The following HMGA2 variants were observed in gnomAD, a reference collection of about 807,000 sequenced individuals.
The protein encoded by HMGA2 is high mobility group AT-hook 2.
HMGA2 carries 8 observed loss-of-function variants against 19.1 expected under a neutral mutation model. The ratio of observed to expected loss-of-function variants is 0.42; its 90% CI spans 0.25 to 0.76. The LOEUF is 0.76. Ranked by LOEUF, HMGA2 falls within the 30% of genes least tolerant of loss-of-function variation. The pLI is 0.28. For synonymous variants in HMGA2, 60 were observed against 48.8 expected (o/e 1.23, Z -0.96); for missense variants, 109 against 136.3 (o/e 0.80, Z 1.00).
At chr12:65,879,292 A>AAC (rs1555184079) in intron 3 of HMGA2, among the ~76,000 whole-genome samples, 1 of 103,978 alleles carries the variant, frequency 9.6e-6, no homozygotes, top group African/African-American at 6.2e-5. Context: ...CATACCAGCT[A>AAC]TTTTTTTTTT....
chr12:65,869,885 T>G (rs1328120686), intron 3 of HMGA2, among the ~76,000 whole-genome samples: 1 of 152,172 alleles, frequency 6.6e-6, no homozygotes, highest in Non-Finnish European at 1.5e-5. Flanking sequence ...GAACCCAGGT[T>G]TGTCAGACTC....
At chr12:65,865,659 G>C (rs1280272382) in intron 3 of HMGA2, among the ~76,000 whole-genome samples, 1 of 136,458 alleles carries the variant, frequency 7.3e-6, no homozygotes, top group Non-Finnish European at 1.5e-5. Flanking sequence ...TTTTGAGACA[G>C]AGTCTCGCTC....
intron 3 of HMGA2, among the ~76,000 whole-genome samples, chr12:65,922,907 C>T (rs993138787): frequency 1.3e-5 from 2 of 152,136 alleles, no homozygotes; most frequent in Non-Finnish European, 2.9e-5. Flanking sequence ...GCCTCTTCCT[C>T]ATTTTCTCTT....
At chr12:65,845,715 GA>G (rs1425682599) in intron 3 of HMGA2, among the ~76,000 whole-genome samples, 4 of 152,200 alleles carry the variant, frequency 2.6e-5, no homozygotes, top group Non-Finnish European at 4.4e-5. Flanking sequence ...TCTGCGTTTT[GA>G]TGGGCTGAAT....
At position 65,875,589 on chromosome 12, in the gene HMGA2, A is replaced by ATTTTTTTTT. The variant is rs71096056; in HGVS notation, c.249+37053_249+37061dup. ...CGGGCATATGCCACCGTGCCCGGCT[A>ATTTTTTTTT]TTTTTTTTTTTTTTTTTTTTTTTTT... On this transcript the variant is annotated intron_variant, in intron 3 of 4. Transcript: ENST00000403681. Among the ~76,000 whole-genome samples the ATTTTTTTTT allele has an allele frequency of 3.7e-3, 97 of 26,110 alleles. 42 individuals carry two copies. The highest frequency in any genetic ancestry group is 5.4e-3 in the Admixed American group (8 of 1,476). 17.1% of individuals were successfully genotyped at this position (26,110 alleles called of 152,430 possible).
At chr12:65,864,728 G>A (rs1248591676) in intron 3 of HMGA2, among the ~76,000 whole-genome samples, 1 of 152,118 alleles carries the variant, frequency 6.6e-6, no homozygotes, top group Non-Finnish European at 1.5e-5. Flanking sequence ...CTTTTCTTCT[G>A]GATTGTATGT....
intron 3 of HMGA2, among the ~76,000 whole-genome samples, chr12:65,892,808 C>G (rs977978182): frequency 6.6e-6 from 1 of 152,090 alleles, no homozygotes; most frequent in African/African-American, 2.4e-5. Context: ...GAGAAAAGTC[C>G]TCAGTTTTAT....
At chr12:65,959,803 C>T (rs1876700218) in intron 4 of HMGA2, among the ~76,000 whole-genome samples, 1 of 152,182 alleles carries the variant, frequency 6.6e-6, no homozygotes. Context: ...GTCCTTTGAC[C>T]ATTAGGTGAC....
intron 3 of HMGA2, among the ~76,000 whole-genome samples, chr12:65,854,489 G>T (rs1283375393): frequency 6.6e-6 from 1 of 152,180 alleles, no homozygotes. Context: ...AGTTTCGCAT[G>T]TACTTATTTG....
intron 3 of HMGA2, among the ~76,000 whole-genome samples, chr12:65,949,831 TA>T (rs1876394736): frequency 6.6e-6 from 1 of 152,154 alleles, no homozygotes; most frequent in South Asian, 2.1e-4. Flanking sequence ...TGCAAAACAT[TA>T]AAAGAACTCT....
intron 3 of HMGA2, among the ~76,000 whole-genome samples, chr12:65,855,672 G>A (rs1565709415): frequency 1.3e-5 from 2 of 151,626 alleles, no homozygotes; most frequent in African/African-American, 4.8e-5. Flanking sequence ...CTTAGAATCT[G>A]AGTGTTTGTT....
In HMGA2 at chr12:65,919,925, G is replaced by A. The variant is rs559669234; in HGVS notation, c.250-31458G>A. Among the ~76,000 whole-genome samples the A allele has an allele frequency of 4.6e-5, 7 of 152,286 alleles. No individual in the cohort carries two copies. The South Asian group carries it at 1.2e-3, about 27-fold the overall frequency. ...CAACCAGTTTTTAATGACGAAAGAT[G>A]GACTCTGAAGTCCATGACATTTAGT... On this transcript the variant is annotated intron_variant, in intron 3 of 4. Transcript: ENST00000403681.
In HMGA2 at chr12:65,964,300, A is replaced by AG. The variant is rs1359546388; in HGVS notation, c.*1016dup. The AG allele has an allele frequency of 3.0e-3, 448 of 148,924 alleles. No homozygotes were observed. Among genetic ancestry groups the AG allele is most frequent in the East Asian group, 7.9e-3 (94 of 11,838 alleles). The allele number at this position is 148,924 out of a possible 1,614,324, so 9.2% of individuals were successfully genotyped here. Reference sequence around the variant, plus strand: ...TCAATTTAAAAAGCAAAAAAAAAAAAGGGGGGGGCAATCTCTCTCTGTGTC... The same window carrying AG: ...TCAATTTAAAAAGCAAAAAAAAAAAAGGGGGGGGGCAATCTCTCTCTGTGTC... On this transcript the variant is annotated 3_prime_UTR_variant, in exon 5 of 5. Coordinates refer to ENST00000403681, the MANE Select transcript of HMGA2 (RefSeq NM_003483.6).
At chr12:65,875,516 C>T (rs374922917) in intron 3 of HMGA2, among the ~76,000 whole-genome samples, 15 of 150,348 alleles carry the variant, frequency 1.0e-4, no homozygotes, top group African/African-American at 3.2e-4. Flanking sequence ...CTCCACCTCA[C>T]GGGTTCAAGC....
intron 3 of HMGA2, among the ~76,000 whole-genome samples, chr12:65,845,575 A>AT (rs111472898): frequency 0.13 from 20,334 of 151,910 alleles, 2,588 homozygotes; most frequent in African/African-American, 0.32. Context: ...GGCCTTTAAG[A>AT]TTTTTTTTAA....
At chr12:65,926,307 T>C (rs1394959649) in intron 3 of HMGA2, among the ~76,000 whole-genome samples, 1 of 152,236 alleles carries the variant, frequency 6.6e-6, no homozygotes, top group Non-Finnish European at 1.5e-5. Context: ...TGGGGCTTCC[T>C]ACTCAGGGGG....
rs1386364960 is a variant in HMGA2 at position 65,824,525 on chromosome 12, C to G, written c.-746C>G. 4 of 233,578 alleles carry G rather than the reference C, an allele frequency of 1.7e-5. No homozygotes were observed. The highest frequency in any genetic ancestry group is 5.6e-5 in the Admixed American group (1 of 17,764). 14.5% of individuals were successfully genotyped at this position (233,578 alleles called of 1,614,324 possible). The stretch of plus-strand genomic sequence containing the variant: ...GGCAGCGCGCGCTTGGTGCAAGACT[C>G]AGGAGCTAGCAGCCCGTCCCCCTCC... On this transcript the variant is annotated 5_prime_UTR_variant, in exon 1 of 5. Transcript: ENST00000403681.
chr12:65,864,933 ACT>A (rs1342778454), intron 3 of HMGA2, among the ~76,000 whole-genome samples: 4 of 152,120 alleles, frequency 2.6e-5, no homozygotes, highest in Non-Finnish European at 5.9e-5. Flanking sequence ...TGAAAGTTAC[ACT>A]GAGTGCTTCT....
chr12:65,922,066 T>G (rs1338785959), intron 3 of HMGA2, among the ~76,000 whole-genome samples: 1 of 152,188 alleles, frequency 6.6e-6, no homozygotes, highest in African/African-American at 2.4e-5. Context: ...TGCAGGGGAA[T>G]GGCTCTCGTG....
Sources: gnomAD v4.1 joint callset for allele counts (sites outside exome capture counted in the v4.1 genomes callset) on GRCh38, gnomAD v4.1.1 for gene constraint, MANE v1.5 for transcripts, NCBI Gene and HGNC (gene_info 2026-07-23, HGNC 2026-07-21) for gene names.